Variants in ICAM5 observed in about 807,000 individuals in gnomAD.
ICAM5 encodes ICAM-5.
A neutral mutation model predicts 78.8 loss-of-function variants in ICAM5; 38 were observed. That is an observed-to-expected ratio of 0.48 (90% CI 0.37 to 0.63). The LOEUF is 0.63. Ranked by LOEUF, ICAM5 falls within the 30% of genes least tolerant of loss-of-function variation. ICAM5 has a pLI of 0.00. For missense variants in ICAM5, 1,059 were observed against 1,303.0 expected, an observed-to-expected ratio of 0.81 and a Z score of 2.88; for synonymous variants, 544 against 590.9, an observed-to-expected ratio of 0.92 and a Z score of 1.15.
Position 10,296,330 on chromosome 19 carries a change from AC to A in ICAM5, c.2498-5del. ...TTGGCCACCCTCCGCGAGGGTCTCC[AC>A]CCCGCAGGTCCGTGGCTATGGGTCG... On this transcript the variant is annotated splice_region_variant and splice_polypyrimidine_tract_variant and intron_variant, in intron 10 of 10. Transcript: ENST00000221980. The A allele has an allele frequency of 8.1e-7, 1 of 1,232,906 alleles. No homozygotes were observed. The highest frequency in any genetic ancestry group is 3.3e-5 in the East Asian group (1 of 30,664). The allele number at this position is 1,232,906 out of a possible 1,614,324, so 76.4% of individuals were successfully genotyped here.
intron 2 of ICAM5, 53 bp downstream of exon 2, chr19:10,291,394 C>T (rs759050255): frequency 6.2e-7 from 1 of 1,605,174 alleles, no homozygotes; most frequent in Non-Finnish European, 8.5e-7. Flanking sequence ...CCCTCCCAGG[C>T]CCCGCCCCCT....
chr19:10,290,158 G>A lies in ICAM5; in HGVS notation c.82+33G>A, dbSNP rs767392970. 8.3e-6 allele frequency: 12 copies of A among 1,445,586 alleles called. No individual in the cohort carries two copies. The highest frequency in any genetic ancestry group is 1.3e-5 in the South Asian group (1 of 74,280). 89.5% of individuals were successfully genotyped at this position (1,445,586 alleles called of 1,614,324 possible). On this transcript the variant is annotated intron_variant, in intron 1 of 10. Coordinates refer to ENST00000221980, the MANE Select transcript of ICAM5 (RefSeq NM_003259.4). This position sits in a 1 kb window ranked among gnomAD's most constrained non-coding sequence, Gnocchi z 5.7. ...CCCCGCTCTGGTTCGGGGTGGACAG[G>A]GCGGGGGCGGAGTCCCTGGACCTGA...
intron 1 of ICAM5, 49 bp from the exon 2 acceptor site, chr19:10,291,023 G>T: frequency 1.9e-6 from 3 of 1,558,748 alleles, no homozygotes; most frequent in Middle Eastern, 4.5e-4. Flanking sequence ...GGGGCGCTAA[G>T]ATGTCAGGGA....
In ICAM5 at chr19:10,296,378, G is replaced by T. The variant is rs2040220319; in HGVS notation, c.2537G>T (p.Gly846Val). The change falls in exon 11 of 11, where the codon GGC becomes GTC. Residue 846 changes from glycine to valine, a missense_variant. Around this residue, in one of 3 missense-constraint regions of ICAM5, gnomAD observed 109 missense variants for 120.0 expected, o/e 0.91. Coordinates refer to ENST00000221980, the MANE Select transcript of ICAM5 (RefSeq NM_003259.4). ...GTCGCCGTGGGCGGCGCGGCGGGGG[G>T]CGCGGCGCTGCTGGCCGCGGGGGCC... ...LWVAVGGAAG[G>V]AALLAAGAGL... 1.6e-6 allele frequency: 2 copies of T among 1,257,954 alleles called. No individual in the cohort carries two copies. The highest frequency in any genetic ancestry group is 3.2e-5 in the East Asian group (1 of 31,154). 77.9% of individuals were successfully genotyped at this position (1,257,954 alleles called of 1,614,324 possible).
chr19:10,293,103 T>G lies in ICAM5; in HGVS notation c.1322T>G (p.Val441Gly). 6.2e-7 allele frequency: 1 copy of G among 1,610,180 alleles called. No individual in the cohort carries two copies. Among genetic ancestry groups the G allele is most frequent in the Non-Finnish European group, 8.5e-7 (1 of 1,179,232 alleles). Reference sequence around the variant, plus strand: ...GCCCGCGGGAACCCAGAACCCTCAGTGCACTGTGCGCGCTCCGACGGCGGG... The same window carrying G: ...GCCCGCGGGAACCCAGAACCCTCAGGGCACTGTGCGCGCTCCGACGGCGGG... ...CEARGNPEPSVHCARSDGGAV... is the reference protein window; with the variant it reads ...CEARGNPEPSGHCARSDGGAV... The change falls in exon 6 of 11, where the codon GTG becomes GGG. Residue 441 changes from valine (V) to glycine (G), a missense_variant. Val to Gly is a moderately radical substitution (Grantham distance 109). This residue lies in a region of ICAM5 where 815 missense variants were observed against 952.8 expected (regional missense o/e 0.86). Transcript: ENST00000221980. The surrounding 1 kb of genome is among the most constrained non-coding windows in gnomAD (Gnocchi z 5.0).
Position 10,293,057 on chromosome 19 carries a change from G to C in ICAM5, c.1276G>C (p.Glu426Gln). The change falls in exon 6 of 11, where the codon GAG becomes CAG. Residue 426 changes from glutamate (E) to glutamine (Q), a missense_variant. Physicochemically the swap from Glu to Gln is conservative, Grantham distance 29. Around this residue, in one of 3 missense-constraint regions of ICAM5, gnomAD observed 815 missense variants for 952.8 expected, o/e 0.86. Transcript: ENST00000221980. The surrounding 1 kb of genome is among the most constrained non-coding windows in gnomAD (Gnocchi z 5.0). ...PRSWTWPEGP[E>Q]QTLRCEARGN... ...GAGTTGGACGTGGCCCGAGGGCCCA[G>C]AGCAGACGCTGCGCTGCGAGGCCCG... The C allele has an allele frequency of 6.2e-7, 1 of 1,610,616 alleles. No homozygotes were observed. Among genetic ancestry groups the C allele is most frequent in the Middle Eastern group, 1.6e-4 (1 of 6,062 alleles).
intron 2 of ICAM5, 66 bp from the exon 3 acceptor site, chr19:10,291,423 C>G (rs2040171176): frequency 2.5e-6 from 4 of 1,608,640 alleles, no homozygotes; most frequent in Non-Finnish European, 8.5e-7. Flanking sequence ...GGGTCCTCCC[C>G]TTCAGGCCCC....
chr19:10,295,348 C>A lies in ICAM5; in HGVS notation c.2233C>A (p.Arg745=), dbSNP rs1382831344. 2.6e-6 allele frequency: 4 copies of A among 1,548,300 alleles called. No individual in the cohort carries two copies. In the African/African-American group the frequency reaches 4.1e-5, roughly 16 times the overall value. ...ACTTCACCTTCTGTGCCCTTCAGAC[C>A]GGCCAGTGGTGGCCGAACTTGCTGC... is the stretch of plus-strand genomic sequence containing the variant. The part of the protein sequence containing the change: ...SRTVTVGVEY[R]PVVAELAASP... Residue 745 remains arginine, a splice_region_variant and synonymous_variant, in exon 10 of 11, where the codon CGG becomes AGG. Coordinates refer to ENST00000221980, the MANE Select transcript of ICAM5 (RefSeq NM_003259.4).
Position 10,291,584 on chromosome 19 carries a change from C to G in ICAM5, c.448C>G (p.Arg150Gly). 6.2e-7 allele frequency: 1 copy of G among 1,612,380 alleles called. No homozygotes were observed. Among genetic ancestry groups the G allele is most frequent in the Non-Finnish European group, 8.5e-7 (1 of 1,179,868 alleles). The change falls in exon 3 of 11, where the codon CGT becomes GGT. Residue 150 changes from arginine to glycine, a missense_variant. By Grantham distance (125) the Arg-to-Gly change is moderately radical (BLOSUM62 -2). Coordinates refer to ENST00000221980, the MANE Select transcript of ICAM5 (RefSeq NM_003259.4). ...LSCRVPGAGP[R>G]ASLTLTLLRG... Reference sequence around the variant, plus strand: ...CTGTAGGGTCCCCGGCGCCGGGCCCCGTGCGAGCCTCACGCTGACCCTGCT... The same window carrying G: ...CTGTAGGGTCCCCGGCGCCGGGCCCGGTGCGAGCCTCACGCTGACCCTGCT...
chr19:10,291,102 T>C lies in ICAM5; in HGVS notation c.113T>C (p.Leu38Pro). The change falls in exon 2 of 11, where the codon CTG becomes CCG. Residue 38 changes from leucine (L) to proline (P), a missense_variant. Around this residue, in one of 3 missense-constraint regions of ICAM5, gnomAD observed 815 missense variants for 952.8 expected, o/e 0.86. Transcript: ENST00000221980. ...AVSQEPFWAD[L>P]QPRVAFVERG... Reference sequence around the variant, plus strand: ...TCGCAGGAGCCCTTCTGGGCGGACCTGCAGCCTCGCGTGGCGTTCGTGGAG... The same window carrying C: ...TCGCAGGAGCCCTTCTGGGCGGACCCGCAGCCTCGCGTGGCGTTCGTGGAG... 1 of 1,611,670 alleles carries C rather than the reference T, an allele frequency of 6.2e-7. No individual in the cohort carries two copies. The highest frequency in any genetic ancestry group is 8.5e-7 in the Non-Finnish European group (1 of 1,179,444).
intron 10 of ICAM5, 24 bp from the exon 11 acceptor site, chr19:10,296,315 T>C: frequency 2.4e-6 from 3 of 1,227,666 alleles, no homozygotes; most frequent in Non-Finnish European, 3.1e-6. Context: ...TTGGCCACCC[T>C]CCGCGAGGGT....
rs1326729237 is a variant in ICAM5 at position 10,294,981 on chromosome 19, T to C, written c.2230+341T>C. 6.6e-6 allele frequency among the ~76,000 whole-genome samples: 1 copy of C among 152,024 alleles called. No individual in the cohort carries two copies. Among genetic ancestry groups the C allele is most frequent in the Admixed American group, 6.6e-5 (1 of 15,256 alleles). ...CTGAGGCAGGAGAATCGCTTGAGCC[T>C]GGGAGGCAGAGGTTGCAGGGAGCCG... On this transcript the variant is annotated intron_variant, in intron 9 of 10. Transcript: ENST00000221980. This position sits in a 1 kb window ranked among gnomAD's most constrained non-coding sequence, Gnocchi z 7.7.
At chr19:10,292,354 G>A (rs774244492) in intron 4 of ICAM5, 32 bp downstream of exon 4, 7 of 1,551,882 alleles carry the variant, frequency 4.5e-6, no homozygotes, top group East Asian at 2.4e-5. Context: ...CCGCGGCTCC[G>A]AGGTGGGACC....
Position 10,293,159 on chromosome 19 carries a change from G to A in ICAM5, c.1378G>A (p.Val460Ile). The change falls in exon 6 of 11, where the codon GTC becomes ATC. Residue 460 changes from valine (V) to isoleucine (I), a missense_variant. Coordinates refer to ENST00000221980, the MANE Select transcript of ICAM5 (RefSeq NM_003259.4). This position sits in a 1 kb window ranked among gnomAD's most constrained non-coding sequence, Gnocchi z 5.0. ...GCTGGCTCTGGGCCTGCTGGGTCCA[G>A]TCACTCGGGCGCTCTCAGGCACTTA... is the stretch of plus-strand genomic sequence containing the variant. ...AVLALGLLGP[V>I]TRALSGTYRC... is the part of the protein sequence containing the mutation. The A allele has an allele frequency of 3.7e-6, 6 of 1,611,510 alleles. No homozygotes were observed. The highest frequency in any genetic ancestry group is 5.1e-6 in the Non-Finnish European group (6 of 1,179,176).
Position 10,293,265 on chromosome 19 carries a change from G to A in ICAM5, c.1465+19G>A, listed in dbSNP as rs2569701. Reference sequence around the variant, plus strand: ...GTGGAGTGTGAGTGGGGGTGCGCAGGGTGCATTTCTATCTGGTTCAAGGTC... The same window carrying A: ...GTGGAGTGTGAGTGGGGGTGCGCAGAGTGCATTTCTATCTGGTTCAAGGTC... On this transcript the variant is annotated intron_variant, in intron 6 of 10. Transcript: ENST00000221980. This position sits in a 1 kb window ranked among gnomAD's most constrained non-coding sequence, Gnocchi z 5.0. The A allele has an allele frequency of 1.9e-6, 3 of 1,558,530 alleles. No individual in the cohort carries two copies. Among genetic ancestry groups the A allele is most frequent in the African/African-American group, 2.7e-5 (2 of 73,552 alleles).
chr19:10,292,781 C>T lies in ICAM5; in HGVS notation c.1131C>T (p.Asp377=). The T allele has an allele frequency of 6.2e-7, 1 of 1,613,552 alleles. No individual in the cohort carries two copies. The highest frequency in any genetic ancestry group is 8.5e-7 in the Non-Finnish European group (1 of 1,179,996). The change falls in exon 5 of 11, where the codon GAC becomes GAT. Residue 377 remains aspartate (D), a synonymous_variant. Transcript: ENST00000221980. ...AGCTAAATGCCACCGAGAACGACGA[C>T]AGACGCAGCTTCTTCTGCGACGCCA... ...QLQLNATEND[D]RRSFFCDATL... is the part of the protein sequence containing the mutation.
chr19:10,293,115 G>T lies in ICAM5; in HGVS notation c.1334G>T (p.Arg445Leu), dbSNP rs1436239796. The T allele has an allele frequency of 1.2e-6, 2 of 1,609,138 alleles. No individual in the cohort carries two copies. The highest frequency in any genetic ancestry group is 8.5e-7 in the Non-Finnish European group (1 of 1,178,222). The change falls in exon 6 of 11, where the codon CGC becomes CTC. Residue 445 changes from arginine to leucine, a missense_variant. Coordinates refer to ENST00000221980, the MANE Select transcript of ICAM5 (RefSeq NM_003259.4). The surrounding 1 kb of genome is among the most constrained non-coding windows in gnomAD (Gnocchi z 5.0). ...GNPEPSVHCARSDGGAVLALG... is the reference protein window; with the variant it reads ...GNPEPSVHCALSDGGAVLALG... ...CCAGAACCCTCAGTGCACTGTGCGC[G>T]CTCCGACGGCGGGGCCGTGCTGGCT...
Position 10,290,366 on chromosome 19 carries a change from T to G in ICAM5, c.82+241T>G, listed in dbSNP as rs972287856. On this transcript the variant is annotated intron_variant, in intron 1 of 10. Transcript: ENST00000221980. This position sits in a 1 kb window ranked among gnomAD's most constrained non-coding sequence, Gnocchi z 5.7. ...CTAGGTGTTCTTCCGCACCCAACCC[T>G]TCGCCCTGGAGACCCAGTGTCTCTC... The G allele has an allele frequency of 1.1e-5, 5 of 461,990 alleles. No homozygotes were observed. The highest frequency in any genetic ancestry group is 8.2e-5 in the African/African-American group (4 of 48,882). The allele number at this position is 461,990 out of a possible 1,614,324, so 28.6% of individuals were successfully genotyped here.
chr19:10,290,057 C>G lies in ICAM5; in HGVS notation c.14C>G (p.Ser5Trp). The change falls in exon 1 of 11, where the codon TCG becomes TGG. Residue 5 changes from serine to tryptophan, a missense_variant. Coordinates refer to ENST00000221980, the MANE Select transcript of ICAM5 (RefSeq NM_003259.4). This position sits in a 1 kb window ranked among gnomAD's most constrained non-coding sequence, Gnocchi z 5.7. ...CCCGCCGCGGCGATGCCAGGGCCTT[C>G]GCCAGGGCTGCGCCGGGCGCTACTC... MPGP[S>W]PGLRRALLGL... The G allele has an allele frequency of 6.5e-7, 1 of 1,541,922 alleles. No individual in the cohort carries two copies. The highest frequency in any genetic ancestry group is 8.7e-7 in the Non-Finnish European group (1 of 1,145,202).
Sources: gnomAD v4.1 joint callset for allele counts (sites outside exome capture counted in the v4.1 genomes callset) on GRCh38, gnomAD v4.1.1 for gene constraint, gnomAD v4.1.1 regional missense constraint, Gnocchi (gnomAD v3.1) non-coding constraint, MANE v1.5 for transcripts, NCBI Gene and HGNC (gene_info 2026-07-23, HGNC 2026-07-21) for gene names.